The following SLC22A15 variants were observed in gnomAD, a reference collection of about 807,000 sequenced individuals.
SLC22A15 encodes flipt 1.
A neutral mutation model predicts 62.7 loss-of-function variants in SLC22A15; 45 were observed. The ratio of observed to expected loss-of-function variants is 0.72; its 90% confidence interval spans 0.56 to 0.92. The LOEUF (loss-of-function observed/expected upper bound fraction) is 0.92, where lower values mean the gene tolerates loss of function less well. SLC22A15 is among the 40% of genes least tolerant of loss of function. The pLI is 0.00. For synonymous variants in SLC22A15, 264 were observed against 267.0 expected, an observed-to-expected ratio of 0.99 and a Z score of 0.11; for missense variants, 622 against 665.6, an observed-to-expected ratio of 0.93 and a Z score of 0.72.
chr1:116,057,206 A>T (rs1658232153), intron 8 of SLC22A15, among the ~76,000 whole-genome samples: 1 of 151,826 alleles, frequency 6.6e-6, no homozygotes, highest in Admixed American at 6.6e-5. Context: ...AAACAAATTT[A>T]CAAGAAAAAA....
At position 116,069,153 on chromosome 1, in the gene SLC22A15, G is replaced by A. The variant is rs1349252313; in HGVS notation, c.*2045G>A. The A allele has an allele frequency of 6.6e-6, 1 of 151,208 alleles. No individual in the cohort carries two copies. The highest frequency in any genetic ancestry group is 1.5e-5 in the Non-Finnish European group (1 of 67,730). The allele number at this position is 151,208 out of a possible 1,614,324, so 9.4% of individuals were successfully genotyped here. The stretch of plus-strand genomic sequence containing the variant: ...CTTAGCTATGGGGTGGAAGATAGGA[G>A]GGGGAGATCTACAATTTGAATATGT... On this transcript the variant is annotated 3_prime_UTR_variant, in exon 12 of 12. Transcript: ENST00000369503.
At chr1:116,032,542 C>T in intron 6 of SLC22A15, 1 of 985,252 alleles carries the variant, frequency 1.0e-6, no homozygotes, top group Non-Finnish European at 1.2e-6. Flanking sequence ...GAATAAGAAG[C>T]TGCAAAGATA....
chr1:116,054,765 C>A (rs1245191645), intron 8 of SLC22A15, among the ~76,000 whole-genome samples: 1 of 152,152 alleles, frequency 6.6e-6, no homozygotes, highest in Non-Finnish European at 1.5e-5. Context: ...CAAAACTGCT[C>A]AACTACATGG....
intron 2 of SLC22A15, among the ~76,000 whole-genome samples, chr1:116,004,915 G>A (rs1003833896): frequency 6.6e-6 from 1 of 152,048 alleles, no homozygotes; most frequent in Non-Finnish European, 1.5e-5. Flanking sequence ...ACTTTTCCAG[G>A]AATTGGTCCA....
Position 116,028,266 on chromosome 1 carries a change from T to A in SLC22A15, c.728+1244T>A, listed in dbSNP as rs1192896936. 3.3e-5 allele frequency among the ~76,000 whole-genome samples: 5 copies of A among 152,180 alleles called. No individual in the cohort carries two copies. The East Asian group carries it at 9.6e-4, about 29-fold the overall frequency. On this transcript the variant is annotated intron_variant, in intron 5 of 11. Transcript: ENST00000369503. ...TAAATGTATTTTTAGTTATATGAAT[T>A]TGAGTGAGATAATTTTATTAGAAGA...
At chr1:116,052,891 C>G in intron 8 of SLC22A15, among the ~76,000 whole-genome samples, 1 of 151,966 alleles carries the variant, frequency 6.6e-6, no homozygotes, top group Non-Finnish European at 1.5e-5. Flanking sequence ...GACATCCACA[C>G]CAAAAACCCA....
chr1:116,061,963 C>T (rs572952239), intron 8 of SLC22A15, among the ~76,000 whole-genome samples: 67 of 152,230 alleles, frequency 4.4e-4, no homozygotes, highest in African/African-American at 1.5e-3. Flanking sequence ...AATCTCAGCA[C>T]TTTGGAAGGC....
rs549084312 is a variant in SLC22A15 at position 115,985,962 on chromosome 1, A to G, written c.88-6069A>G. Among the ~76,000 whole-genome samples the G allele has an allele frequency of 9.7e-3, 1,467 of 151,292 alleles. 28 individuals are homozygous for G. Among genetic ancestry groups the G allele is most frequent in the African/African-American group, 0.031 (1,274 of 41,174 alleles). ...CTCCATCTCAAAAAAAAAAAAAAAA[A>G]AGAGAGAGAAACAGATGCGATTAAA... On this transcript the variant is annotated intron_variant, in intron 1 of 11. Transcript: ENST00000369503.
At chr1:116,046,983 C>A (rs766244315) in intron 8 of SLC22A15, among the ~76,000 whole-genome samples, 1 of 152,136 alleles carries the variant, frequency 6.6e-6, no homozygotes, top group Admixed American at 6.5e-5. Flanking sequence ...CTTCCCTCCC[C>A]ACCCTGGTAG....
At position 116,028,236 on chromosome 1, in the gene SLC22A15, T is replaced by TTTA. The variant is rs1337041767; in HGVS notation, c.728+1218_728+1220dup. Among the ~76,000 whole-genome samples the TTTA allele has an allele frequency of 3.3e-5, 5 of 152,206 alleles. No individual in the cohort carries two copies. In the East Asian group the frequency reaches 9.7e-4, roughly 29 times the overall value. ...AGTGGCCTATATTTTAAAAATAAAATTTATTAAATGTATTTTTAGTTATAT... is the reference window on the plus strand; with the variant it reads ...AGTGGCCTATATTTTAAAAATAAAATTTATTATTAAATGTATTTTTAGTTATAT... On this transcript the variant is annotated intron_variant, in intron 5 of 11. Transcript: ENST00000369503.
chr1:116,027,332 G>A, intron 5 of SLC22A15: 1 of 536,450 alleles, frequency 1.9e-6, no homozygotes, highest in South Asian at 1.4e-5. Context: ...TCTTCAGACT[G>A]GATCACATTA....
chr1:116,033,469 G>A (rs1459832822), intron 6 of SLC22A15, among the ~76,000 whole-genome samples: 1 of 151,938 alleles, frequency 6.6e-6, no homozygotes, highest in African/African-American at 2.4e-5. Flanking sequence ...CACCAGCTGG[G>A]AACTAAATTC....
At chr1:116,037,184 C>A in intron 7 of SLC22A15, 119 bp from the exon 8 acceptor site, 2 of 831,614 alleles carry the variant, frequency 2.4e-6, no homozygotes, top group Non-Finnish European at 3.9e-6. Context: ...GCCACTTAGC[C>A]TTAAGAGGAG....
chr1:116,052,248 C>T (rs1658076211), intron 8 of SLC22A15, among the ~76,000 whole-genome samples: 1 of 152,196 alleles, frequency 6.6e-6, no homozygotes, highest in African/African-American at 2.4e-5. Flanking sequence ...AGATTATATC[C>T]CGCACCTGGC....
intron 1 of SLC22A15, among the ~76,000 whole-genome samples, chr1:115,988,540 G>T (rs1281698): frequency 1 from 151,090 of 151,712 alleles, 75,243 homozygotes; most frequent in Middle Eastern, 1. Flanking sequence ...TCTATTTTTT[G>T]GGGGGGGACT....
intron 7 of SLC22A15, among the ~76,000 whole-genome samples, chr1:116,037,047 AATAG>A (rs1044323828): frequency 6.6e-6 from 1 of 152,180 alleles, no homozygotes; most frequent in African/African-American, 2.4e-5. Flanking sequence ...GATTTATGGA[AATAG>A]ATAGAATGAT....
intron 1 of SLC22A15, among the ~76,000 whole-genome samples, chr1:115,988,350 G>A (rs1281697): frequency 0.013 from 2,037 of 152,158 alleles, 56 homozygotes; most frequent in African/African-American, 0.046. Flanking sequence ...TTGTTTTTTG[G>A]GGGGGAAAGG....
intron 6 of SLC22A15, 121 bp from the exon 7 acceptor site, chr1:116,035,066 C>G: frequency 9.1e-7 from 1 of 1,104,738 alleles, no homozygotes; most frequent in African/African-American, 1.6e-5. Flanking sequence ...AAGCTTATTG[C>G]TTACAGCAGA....
At chr1:115,985,717 G>T (rs929349627) in intron 1 of SLC22A15, among the ~76,000 whole-genome samples, 2 of 152,068 alleles carry the variant, frequency 1.3e-5, no homozygotes, top group Admixed American at 6.5e-5. Flanking sequence ...GGCAGGCCGA[G>T]ACAGGTGGAT....
Sources: gnomAD v4.1 joint callset for allele counts (sites outside exome capture counted in the v4.1 genomes callset) on GRCh38, gnomAD v4.1.1 for gene constraint, MANE v1.5 for transcripts, NCBI Gene and HGNC (gene_info 2026-07-23, HGNC 2026-07-21) for gene names.